The following PALM2AKAP2 variants were observed in gnomAD, a reference collection of about 807,000 sequenced individuals.
PALM2AKAP2 encodes the protein PALM2 and AKAP2 fusion.
Under a neutral mutation model 71.5 loss-of-function variants are expected in PALM2AKAP2, and 37 were observed. That is an observed-to-expected ratio of 0.52 (90% CI 0.40 to 0.68). The LOEUF (loss-of-function observed/expected upper bound fraction) is 0.68. Ranked by LOEUF, PALM2AKAP2 falls within the 30% of genes least tolerant of loss-of-function variation. PALM2AKAP2 has a pLI of 0.00. For synonymous variants in PALM2AKAP2, 468 were observed against 478.8 expected, an observed-to-expected ratio of 0.98 and a Z score of 0.29; for missense variants, 1,224 against 1,191.8, an observed-to-expected ratio of 1.03 and a Z score of -0.40.
At chr9:109,953,867 A>G (rs1383429387) in intron 6 of PALM2AKAP2, among the ~76,000 whole-genome samples, 3 of 150,838 alleles carry the variant, frequency 2.0e-5, no homozygotes, top group Non-Finnish European at 4.4e-5. Context: ...AAAAGAAAGT[A>G]GTGTGGAGAT....
At chr9:109,758,615 T>C (rs2118728954) in intron 1 of PALM2AKAP2, among the ~76,000 whole-genome samples, 1 of 151,772 alleles carries the variant, frequency 6.6e-6, no homozygotes, top group East Asian at 1.9e-4. Flanking sequence ...TGCAGTGGAA[T>C]TGGAAATTTT....
chr9:110,073,363 G>A (rs540652801), intron 1 of PALM2AKAP2, among the ~76,000 whole-genome samples: 5 of 152,312 alleles, frequency 3.3e-5, no homozygotes, highest in African/African-American at 7.2e-5. Context: ...GACACTTGAA[G>A]TGAGCCTCAT....
At chr9:109,735,774 G>A (rs1213164423) in intron 1 of PALM2AKAP2, among the ~76,000 whole-genome samples, 1 of 152,148 alleles carries the variant, frequency 6.6e-6, no homozygotes, top group Admixed American at 6.5e-5. Flanking sequence ...TTAATGGTAG[G>A]TCTGCCTTCA....
intron 7 of PALM2AKAP2, among the ~76,000 whole-genome samples, chr9:110,026,686 C>T (rs1833187068): frequency 1.3e-5 from 2 of 152,122 alleles, no homozygotes; most frequent in South Asian, 4.1e-4. Context: ...GCATTTTACA[C>T]CTAAAATGTA....
intron 1 of PALM2AKAP2, among the ~76,000 whole-genome samples, chr9:109,784,416 A>G (rs187653104): frequency 7.7e-4 from 117 of 152,350 alleles, no homozygotes; most frequent in Middle Eastern, 3.4e-3. Flanking sequence ...AATAAAATAT[A>G]AAATAACATC....
chr9:109,786,898 A>G (rs953788922), intron 1 of PALM2AKAP2, among the ~76,000 whole-genome samples: 4 of 152,130 alleles, frequency 2.6e-5, no homozygotes, highest in East Asian at 1.9e-4. Context: ...AATTGTTTCT[A>G]TATTTCTTTG....
chr9:109,796,473 C>G (rs1827255802), intron 1 of PALM2AKAP2, among the ~76,000 whole-genome samples: 1 of 152,130 alleles, frequency 6.6e-6, no homozygotes, highest in Non-Finnish European at 1.5e-5. Flanking sequence ...TCTCCAACAA[C>G]TGTAATGTTA....
chr9:109,703,385 C>G (rs1187344072), intron 1 of PALM2AKAP2, among the ~76,000 whole-genome samples: 1 of 151,934 alleles, frequency 6.6e-6, no homozygotes, highest in Non-Finnish European at 1.5e-5. Context: ...ATATAAGATC[C>G]TAGAGTGGTT....
At chr9:110,009,895 C>G (rs897110717) in intron 6 of PALM2AKAP2, among the ~76,000 whole-genome samples, 4 of 152,038 alleles carry the variant, frequency 2.6e-5, no homozygotes, top group African/African-American at 7.3e-5. Flanking sequence ...TCTGTCTGCC[C>G]TCACATGCAC....
At chr9:109,970,420 G>A (rs762263624) in intron 6 of PALM2AKAP2, among the ~76,000 whole-genome samples, 1 of 152,220 alleles carries the variant, frequency 6.6e-6, no homozygotes, top group Non-Finnish European at 1.5e-5. Flanking sequence ...CACTCAGGAG[G>A]GAGCAGTGAG....
At chr9:110,045,094 G>T (rs373448501), upstream of PALM2AKAP2, among the ~76,000 whole-genome samples, 33 of 152,218 alleles carry the variant, frequency 2.2e-4, 1 homozygote, top group East Asian at 4.8e-3. Flanking sequence ...GTAGTTTAAA[G>T]TGGGCCAGCA....
chr9:109,854,516 A>G (rs1476164745), intron 1 of PALM2AKAP2, among the ~76,000 whole-genome samples: 1 of 152,122 alleles, frequency 6.6e-6, no homozygotes, highest in African/African-American at 2.4e-5. Flanking sequence ...ATGTTAGCCT[A>G]CCTAATAGGG....
In PALM2AKAP2 at chr9:110,138,148, G is replaced by A. The variant is rs200087277; in HGVS notation, c.2178G>A (p.Arg726=). The change falls in exon 2 of 4, where the codon AGG becomes AGA. Residue 726 remains arginine, a synonymous_variant. Coordinates refer to ENST00000374525, the Ensembl canonical transcript of PALM2AKAP2. The stretch of plus-strand genomic sequence containing the variant: ...TGTCTTCTCCTGTTCAAGAGAAAAG[G>A]GATGTATTACCAAAGATTCTGCCTG... 5 of 1,613,920 alleles carry A rather than the reference G, an allele frequency of 3.1e-6. No individual in the cohort carries two copies. In the Admixed American group the frequency reaches 5.0e-5, roughly 16 times the overall value.
intron 1 of PALM2AKAP2, among the ~76,000 whole-genome samples, chr9:110,066,956 A>G (rs1271406408): frequency 1.3e-5 from 2 of 152,156 alleles, no homozygotes; most frequent in Non-Finnish European, 2.9e-5. Context: ...AGAAGTATTC[A>G]GTTCTAGAGA....
chr9:109,791,683 C>G (rs367551961), intron 1 of PALM2AKAP2, among the ~76,000 whole-genome samples: 3 of 152,150 alleles, frequency 2.0e-5, no homozygotes, highest in East Asian at 3.9e-4. Flanking sequence ...GCACAGGTAC[C>G]AGGTTGACTT....
intron 3 of PALM2AKAP2, among the ~76,000 whole-genome samples, chr9:109,917,306 G>A (rs576643630): frequency 2.0e-5 from 3 of 152,284 alleles, no homozygotes; most frequent in Non-Finnish European, 2.9e-5. Context: ...GGCAAACCCC[G>A]TGTCAGACTT....
chr9:110,146,864 C>G (rs1438021932), intron 2 of PALM2AKAP2, among the ~76,000 whole-genome samples: 1 of 152,130 alleles, frequency 6.6e-6, no homozygotes, highest in Non-Finnish European at 1.5e-5. Flanking sequence ...GATTTTCTTT[C>G]TCATGGCCTT....
chr9:109,880,768 T>C (rs1474171743), intron 3 of PALM2AKAP2, 87 bp downstream of exon 3: 1 of 1,496,002 alleles, frequency 6.7e-7, no homozygotes, highest in Non-Finnish European at 8.9e-7. Context: ...TTCTCAATAC[T>C]GTTACCTTCT....
chr9:109,854,933 G>A (rs1300306694), intron 1 of PALM2AKAP2, among the ~76,000 whole-genome samples: 1 of 151,638 alleles, frequency 6.6e-6, no homozygotes, highest in Non-Finnish European at 1.5e-5. Flanking sequence ...ACCACGCCTG[G>A]CTAATTTTTT....
Sources: allele counts gnomAD v4.1 joint callset (sites outside exome capture counted in the v4.1 genomes callset), GRCh38; gene constraint gnomAD v4.1.1; transcripts MANE v1.5; gene names NCBI Gene and HGNC (gene_info 2026-07-23, HGNC 2026-07-21).